NIBAN2: variants seen among roughly 807,000 people sequenced by gnomAD.
NIBAN2 encodes the protein protein Niban 2.
Under a neutral mutation model 81.8 loss-of-function variants are expected in NIBAN2, and 36 were observed. The ratio of observed to expected loss-of-function variants is 0.44; its 90% CI spans 0.34 to 0.58. The LOEUF (loss-of-function observed/expected upper bound fraction) is 0.58. Among genes scored for constraint, NIBAN2 ranks in the 20% least tolerant of loss-of-function variants. The pLI is 0.02. For synonymous variants in NIBAN2, 445 were observed against 441.6 expected (o/e 1.01, Z -0.10); for missense variants, 897 against 1,014.1 (o/e 0.88, Z 1.57).
intron 9 of NIBAN2, among the ~76,000 whole-genome samples, chr9:127,509,711 G>A (rs763739935): frequency 7.9e-5 from 12 of 151,398 alleles, no homozygotes; most frequent in Admixed American, 2.6e-4. Context: ...TGGAGGGCGC[G>A]TGACTTGTGA....
chr9:127,519,167 T>C (rs112201827), intron 5 of NIBAN2, among the ~76,000 whole-genome samples: 3 of 110,402 alleles, frequency 2.7e-5, no homozygotes, highest in African/African-American at 7.4e-5. Context: ...AGAGTAAGAC[T>C]CTGTCTCAAA....
Position 127,556,922 on chromosome 9 carries a change from A to C in NIBAN2, c.55+11898T>G, listed in dbSNP as rs561995447. On this transcript the variant is annotated intron_variant, in intron 1 of 13. Transcript: ENST00000373312. ...AGACTCTGCCTATACAAAATATAAA[A>C]ATAAATTAGCCCCATGTGGTGGTGC... 5.9e-5 allele frequency among the ~76,000 whole-genome samples: 9 copies of C among 152,294 alleles called. No homozygotes were observed. The South Asian group carries it at 1.9e-3, about 32-fold the overall frequency.
intron 1 of NIBAN2, among the ~76,000 whole-genome samples, chr9:127,555,536 G>C (rs987736589): frequency 3.3e-5 from 5 of 152,230 alleles, no homozygotes; most frequent in African/African-American, 1.2e-4. Context: ...CCCTAGTGGG[G>C]AGCGGCAGCT....
Position 127,508,168 on chromosome 9 carries a change from C to G in NIBAN2, c.1467G>C (p.Lys489Asn). ...GCAGCAGCGCCTCCCGGAAGAACCTCTTCCGCACAGAGCTGCTGTCGTAGT... is the reference window on the plus strand; with the variant it reads ...GCAGCAGCGCCTCCCGGAAGAACCTGTTCCGCACAGAGCTGCTGTCGTAGT... ...KYDYDSSSVRKRFFREALLQI... is the reference protein window; with the variant it reads ...KYDYDSSSVRNRFFREALLQI... Residue 489 changes from lysine (K) to asparagine (N), a missense_variant, in exon 12 of 14, where the codon AAG becomes AAC. Around this residue, in one of 3 missense-constraint regions of NIBAN2, gnomAD observed 619 missense variants for 691.0 expected, o/e 0.90. Coordinates refer to ENST00000373312, the MANE Select transcript of NIBAN2 (RefSeq NM_022833.4). The surrounding 1 kb of genome is among the most constrained non-coding windows in gnomAD (Gnocchi z 6.4). 1 of 1,613,712 alleles carries G rather than the reference C, an allele frequency of 6.2e-7. No homozygotes were observed. Among genetic ancestry groups the G allele is most frequent in the Non-Finnish European group, 8.5e-7 (1 of 1,179,998 alleles).
Position 127,536,215 on chromosome 9 carries a change from T to A in NIBAN2, c.56-4437A>T, listed in dbSNP as rs919255249. The stretch of plus-strand genomic sequence containing the variant: ...ACGCAGAAGATGAGGACTCGGGTGC[T>A]GGGGACCCCAGGTGTGGAGGCCAGA... On this transcript the variant is annotated intron_variant, in intron 1 of 13. Coordinates refer to ENST00000373312, the MANE Select transcript of NIBAN2 (RefSeq NM_022833.4). The surrounding 1 kb of genome is among the most constrained non-coding windows in gnomAD (Gnocchi z 4.0). Among the ~76,000 whole-genome samples, 6 of 152,096 alleles carry A rather than the reference T, an allele frequency of 3.9e-5. No individual in the cohort carries two copies. Among genetic ancestry groups the A allele is most frequent in the Admixed American group, 3.9e-4 (6 of 15,272 alleles).
intron 1 of NIBAN2, among the ~76,000 whole-genome samples, chr9:127,547,076 A>C (rs1246799045): frequency 6.6e-6 from 1 of 151,998 alleles, no homozygotes; most frequent in Non-Finnish European, 1.5e-5. Context: ...ATTTATCAGC[A>C]CGTCCTAGGT....
chr9:127,560,198 C>T (rs1477700234), intron 1 of NIBAN2, among the ~76,000 whole-genome samples: 1 of 152,184 alleles, frequency 6.6e-6, no homozygotes, highest in African/African-American at 2.4e-5. Context: ...GGTTGAAGGT[C>T]TGCCTTGATA....
At chr9:127,533,204 C>A (rs1174383944) in intron 1 of NIBAN2, among the ~76,000 whole-genome samples, 3 of 152,024 alleles carry the variant, frequency 2.0e-5, no homozygotes, top group African/African-American at 7.2e-5. Context: ...GGCCTGTAAT[C>A]CCAGCACTTT....
intron 1 of NIBAN2, among the ~76,000 whole-genome samples, chr9:127,533,251 T>C (rs1280437690): frequency 6.6e-6 from 1 of 150,744 alleles, no homozygotes; most frequent in African/African-American, 2.4e-5. Flanking sequence ...GGTCAGGAGA[T>C]AGAGACCACC....
chr9:127,570,575 T>C (rs1252741105), upstream of NIBAN2, among the ~76,000 whole-genome samples: 1 of 152,192 alleles, frequency 6.6e-6, no homozygotes, highest in Non-Finnish European at 1.5e-5. Context: ...ACAGAACGTG[T>C]CATTCTATTA....
chr9:127,523,308 C>G (rs1232376620), intron 5 of NIBAN2, among the ~76,000 whole-genome samples: 1 of 138,874 alleles, frequency 7.2e-6, no homozygotes, highest in South Asian at 2.4e-4. Context: ...TCCTCATAAC[C>G]CCCCTAAGAC....
intron 3 of NIBAN2, among the ~76,000 whole-genome samples, chr9:127,526,993 T>C (rs1218771207): frequency 6.6e-6 from 1 of 151,736 alleles, no homozygotes; most frequent in Non-Finnish European, 1.5e-5. Flanking sequence ...TCCCCAGAGA[T>C]GAAGAATGAG....
intron 1 of NIBAN2, among the ~76,000 whole-genome samples, chr9:127,560,539 T>A (rs886646801): frequency 2.0e-5 from 3 of 151,870 alleles, no homozygotes; most frequent in Non-Finnish European, 4.4e-5. Context: ...CCATCCTGAG[T>A]CCCAGCAGGC....
intron 1 of NIBAN2, 46 bp downstream of exon 1, chr9:127,568,774 G>A (rs1837903154): frequency 3.2e-6 from 4 of 1,252,062 alleles, no homozygotes; most frequent in South Asian, 2.7e-5. Context: ...GTGGTCCGGG[G>A]GTTCCGGCAG....
intron 1 of NIBAN2, chr9:127,578,817 G>A (rs1588199295): frequency 3.6e-5 from 39 of 1,093,234 alleles, no homozygotes; most frequent in South Asian, 5.7e-5. Flanking sequence ...TGATCATTCC[G>A]CTGCACTCCA....
intron 1 of NIBAN2, among the ~76,000 whole-genome samples, chr9:127,577,238 G>A (rs1218105565): frequency 6.6e-6 from 1 of 152,090 alleles, no homozygotes; most frequent in Non-Finnish European, 1.5e-5. Context: ...AACCAGAGAG[G>A]CAGGGGTTGC....
intron 1 of NIBAN2, among the ~76,000 whole-genome samples, chr9:127,565,519 G>C (rs1002536633): frequency 3.3e-5 from 5 of 152,036 alleles, no homozygotes; most frequent in Admixed American, 6.5e-5. Context: ...TTGGCTGGGC[G>C]TGGTGGCTCA....
chr9:127,513,278 G>T (rs1836768667), intron 8 of NIBAN2, among the ~76,000 whole-genome samples: 6 of 152,152 alleles, frequency 3.9e-5, no homozygotes, highest in Admixed American at 2.6e-4. Context: ...TAGAAAGATG[G>T]TTACTAGAGG....
intron 1 of NIBAN2, among the ~76,000 whole-genome samples, chr9:127,576,080 G>A (rs901831574): frequency 1.3e-5 from 2 of 152,190 alleles, no homozygotes; most frequent in African/African-American, 4.8e-5. Context: ...GACCAGGACT[G>A]TCCTCCTTCG....
Sources: allele counts gnomAD v4.1 joint callset (sites outside exome capture counted in the v4.1 genomes callset), GRCh38; gene constraint gnomAD v4.1.1; regional missense constraint gnomAD v4.1.1; non-coding constraint Gnocchi (gnomAD v3.1); transcripts MANE v1.5; gene names NCBI Gene and HGNC (gene_info 2026-07-23, HGNC 2026-07-21).